The following CDKAL1 variants were observed in gnomAD, a reference collection of about 807,000 sequenced individuals.
CDKAL1 encodes threonylcarbamoyladenosine tRNA methylthiotransferase.
Under a neutral mutation model 68.2 loss-of-function variants are expected in CDKAL1, and 32 were observed. The ratio of observed to expected loss-of-function variants is 0.47; its 90% CI spans 0.35 to 0.63. The LOEUF (loss-of-function observed/expected upper bound fraction) is 0.63. Ranked by LOEUF, CDKAL1 falls within the 30% of genes least tolerant of loss-of-function variation. CDKAL1 has a pLI of 0.00. For missense variants in CDKAL1, 606 were observed against 696.7 expected, an observed-to-expected ratio of 0.87 and a Z score of 1.47; for synonymous variants, 234 against 244.3, an observed-to-expected ratio of 0.96 and a Z score of 0.39.
At chr6:20,756,908 CTT>C (rs1301599279) in intron 6 of CDKAL1, 8 of 133,746 alleles carry the variant, frequency 6.0e-5, no homozygotes, top group African/African-American at 2.4e-4. Context: ...TCCTTCCTTC[CTT>C]CCTTCCTTCC....
intron 9 of CDKAL1, among the ~76,000 whole-genome samples, chr6:20,955,180 G>A (rs921031378): frequency 6.6e-6 from 1 of 152,156 alleles, no homozygotes; most frequent in African/African-American, 2.4e-5. Context: ...GGCTGTGAAT[G>A]TTAATCACTT....
intron 12 of CDKAL1, among the ~76,000 whole-genome samples, chr6:21,069,950 C>T (rs1051533468): frequency 5.9e-5 from 9 of 151,656 alleles, no homozygotes; most frequent in South Asian, 2.1e-4. Flanking sequence ...CCACCACGCC[C>T]GGCTAATTTT....
At chr6:20,696,031 T>A (rs1014114249) in intron 5 of CDKAL1, among the ~76,000 whole-genome samples, 1 of 152,234 alleles carries the variant, frequency 6.6e-6, no homozygotes, top group African/African-American at 2.4e-5. Context: ...CGCCTTTCTA[T>A]TTCACTGATA....
chr6:20,564,451 C>T (rs1408938659), intron 4 of CDKAL1, among the ~76,000 whole-genome samples: 1 of 152,096 alleles, frequency 6.6e-6, no homozygotes, highest in African/African-American at 2.4e-5. Context: ...AATGTTTTAT[C>T]TACAAATGTT....
rs998385356 is a variant in CDKAL1, at chr6:20,642,681, C to T, written c.287-6612C>T. On this transcript the variant is annotated intron_variant, in intron 4 of 15. Coordinates refer to ENST00000274695, the MANE Select transcript of CDKAL1 (RefSeq NM_017774.3). ...CTGCTCATGGGAGTGCAAAGTGGCA[C>T]ACCTTTGTGGAGAAGAATTTTACAG... is the stretch of plus-strand genomic sequence containing the variant. 2.6e-5 allele frequency among the ~76,000 whole-genome samples: 4 copies of T among 152,082 alleles called. No individual in the cohort carries two copies. In the East Asian group the frequency reaches 5.8e-4, roughly 22 times the overall value.
At chr6:20,824,089 C>T (rs1777400302) in intron 8 of CDKAL1, among the ~76,000 whole-genome samples, 1 of 152,074 alleles carries the variant, frequency 6.6e-6, no homozygotes, top group South Asian at 2.1e-4. Flanking sequence ...CAAGTGGATT[C>T]AAGCATGGAT....
At chr6:20,952,996 A>G (rs2150722505) in intron 9 of CDKAL1, among the ~76,000 whole-genome samples, 1 of 152,360 alleles carries the variant, frequency 6.6e-6, no homozygotes, top group Middle Eastern at 3.4e-3. Context: ...CATCTTTGAC[A>G]GATTTTTGAA....
At chr6:20,663,104 G>A (rs4712527) in intron 5 of CDKAL1, among the ~76,000 whole-genome samples, 125,951 of 152,092 alleles carry the variant, frequency 0.83, 52,325 homozygotes, top group African/African-American at 0.9. Flanking sequence ...TGGATGTGCC[G>A]GCTGAGTCTG....
chr6:20,963,604 A>ATTGCACTTTGTTG (rs1339143934), intron 10 of CDKAL1, among the ~76,000 whole-genome samples: 1 of 152,190 alleles, frequency 6.6e-6, no homozygotes, highest in African/African-American at 2.4e-5. Flanking sequence ...TTCAGAACAG[A>ATTGCACTTTGTTG]TTGCACTTTG....
intron 9 of CDKAL1, among the ~76,000 whole-genome samples, chr6:20,941,526 G>C (rs550450049): frequency 9.2e-5 from 14 of 152,186 alleles, no homozygotes; most frequent in African/African-American, 2.9e-4. Context: ...TTTCAAACTG[G>C]ATAATTCTTA....
chr6:20,797,542 T>C (rs1193145998), intron 8 of CDKAL1, among the ~76,000 whole-genome samples: 2 of 152,190 alleles, frequency 1.3e-5, no homozygotes, highest in Non-Finnish European at 2.9e-5. Flanking sequence ...TATGAATGTT[T>C]ATGGCAGCTT....
At chr6:21,002,241 T>C (rs1380084690) in intron 11 of CDKAL1, among the ~76,000 whole-genome samples, 1 of 152,224 alleles carries the variant, frequency 6.6e-6, no homozygotes, top group Non-Finnish European at 1.5e-5. Flanking sequence ...TGAGTTATTG[T>C]GAGGCATCTA....
intron 10 of CDKAL1, among the ~76,000 whole-genome samples, chr6:20,982,608 A>G (rs1012789156): frequency 2.0e-5 from 3 of 152,010 alleles, no homozygotes; most frequent in Non-Finnish European, 4.4e-5. Context: ...AAAATCCAAA[A>G]AAAGAAAAAA....
chr6:21,023,224 C>G (rs903440351), intron 11 of CDKAL1, among the ~76,000 whole-genome samples: 128 of 151,864 alleles, frequency 8.4e-4, no homozygotes, highest in Middle Eastern at 3.4e-3. Context: ...ACATGTTACC[C>G]CTTGGATACT....
chr6:21,116,811 T>A (rs959179808), intron 13 of CDKAL1, among the ~76,000 whole-genome samples: 1 of 152,222 alleles, frequency 6.6e-6, no homozygotes, highest in Non-Finnish European at 1.5e-5. Context: ...TGGCAGTTAC[T>A]GTATTTTCAA....
At chr6:20,729,125 G>A (rs1772788639) in intron 5 of CDKAL1, among the ~76,000 whole-genome samples, 1 of 152,118 alleles carries the variant, frequency 6.6e-6, no homozygotes, top group African/African-American at 2.4e-5. Flanking sequence ...CATTCAAACA[G>A]GCAACCTTCC....
chr6:21,165,579 CG>C (rs1273410059), intron 13 of CDKAL1, among the ~76,000 whole-genome samples: 13 of 152,086 alleles, frequency 8.5e-5, no homozygotes, highest in African/African-American at 3.1e-4. Context: ...TTTGAGAGCT[CG>C]TAGAAGAAAC....
chr6:20,907,560 C>T (rs1284624503), intron 9 of CDKAL1, among the ~76,000 whole-genome samples: 1 of 152,060 alleles, frequency 6.6e-6, no homozygotes, highest in Non-Finnish European at 1.5e-5. Flanking sequence ...CTAGGTAGTC[C>T]TCCAACAATT....
At chr6:20,795,705 T>C (rs578076415) in intron 8 of CDKAL1, among the ~76,000 whole-genome samples, 21 of 152,354 alleles carry the variant, frequency 1.4e-4, no homozygotes, top group Non-Finnish European at 2.5e-4. Context: ...GAATGGGTTA[T>C]AGTAAATTTG....
Sources: gnomAD v4.1 joint callset for allele counts (sites outside exome capture counted in the v4.1 genomes callset) on GRCh38, gnomAD v4.1.1 for gene constraint, MANE v1.5 for transcripts, NCBI Gene and HGNC (gene_info 2026-07-23, HGNC 2026-07-21) for gene names.